The following AUTS2 variants were observed in gnomAD, a reference collection of about 807,000 sequenced individuals.
AUTS2 encodes autism susceptibility gene 2 protein.
AUTS2 carries 17 observed loss-of-function variants against 112.4 expected under a neutral mutation model. The ratio of observed to expected loss-of-function variants is 0.15; its 90% confidence interval spans 0.10 to 0.23. The LOEUF (loss-of-function observed/expected upper bound fraction) is 0.23, where lower values mean the gene tolerates loss of function less well. Among genes scored for constraint, AUTS2 ranks in the 10% least tolerant of loss-of-function variants. The probability of loss-of-function intolerance (pLI) is 1.00; values close to 1 mark genes in which losing one functional copy is unlikely to be tolerated. For missense variants in AUTS2, 1,510 were observed against 1,701.6 expected (o/e 0.89, Z 1.98); for synonymous variants, 751 against 702.7 (o/e 1.07, Z -1.09).
At chr7:69,982,526 G>A (rs1218392776) in intron 2 of AUTS2, among the ~76,000 whole-genome samples, 1 of 152,190 alleles carries the variant, frequency 6.6e-6, no homozygotes, top group Non-Finnish European at 1.5e-5. Flanking sequence ...TTATGTATGT[G>A]TGAGTCTTAG....
intron 6 of AUTS2, among the ~76,000 whole-genome samples, chr7:70,743,468 C>CAAA (rs35444664): frequency 9.1e-4 from 65 of 71,192 alleles, no homozygotes; most frequent in East Asian, 2.5e-3. Flanking sequence ...GACTCTGTCT[C>CAAA]AAAAAAAAAA....
rs1794535735 is a variant in AUTS2, at chr7:70,406,407, A to G, written c.661-29345A>G. 2.6e-5 allele frequency among the ~76,000 whole-genome samples: 4 copies of G among 152,320 alleles called. No individual in the cohort carries two copies. The South Asian group carries it at 8.3e-4, about 32-fold the overall frequency. On this transcript the variant is annotated intron_variant, in intron 4 of 18. Coordinates refer to ENST00000342771, the MANE Select transcript of AUTS2 (RefSeq NM_015570.4). The stretch of plus-strand genomic sequence containing the variant: ...ACAGCCCTGTCCCACCCGCCTGCAC[A>G]CACAAGCCCTCTTCCCCATCTTGCA...
intron 1 of AUTS2, among the ~76,000 whole-genome samples, chr7:69,855,279 C>T (rs1792669674): frequency 6.6e-6 from 1 of 152,196 alleles, no homozygotes; most frequent in Non-Finnish European, 1.5e-5. Context: ...CTAAACCAAT[C>T]TTATTGTTGT....
chr7:69,990,195 G>GT (rs1192518580), intron 2 of AUTS2, among the ~76,000 whole-genome samples: 2 of 152,112 alleles, frequency 1.3e-5, no homozygotes, highest in African/African-American at 2.4e-5. Context: ...ATTTCATTGG[G>GT]TTTTTTGGGT....
intron 5 of AUTS2, among the ~76,000 whole-genome samples, chr7:70,642,128 T>G (rs1805866936): frequency 6.6e-6 from 1 of 152,244 alleles, no homozygotes; most frequent in South Asian, 2.1e-4. Flanking sequence ...GCTTTTGCCA[T>G]CTTGATAGTA....
intron 5 of AUTS2, among the ~76,000 whole-genome samples, chr7:70,506,928 G>T (rs1798987637): frequency 6.6e-6 from 1 of 152,208 alleles, no homozygotes; most frequent in African/African-American, 2.4e-5. Flanking sequence ...GTCCAGAACA[G>T]TGCTGTGAGA....
intron 5 of AUTS2, among the ~76,000 whole-genome samples, chr7:70,638,034 C>T (rs1168648526): frequency 6.6e-6 from 1 of 152,030 alleles, no homozygotes; most frequent in Admixed American, 6.5e-5. Flanking sequence ...CTTTGAGAGT[C>T]TATAGAGTTG....
chr7:69,713,888 A>G (rs1044629025), intron 1 of AUTS2, among the ~76,000 whole-genome samples: 1 of 152,096 alleles, frequency 6.6e-6, no homozygotes, highest in Admixed American at 6.6e-5. Flanking sequence ...TAGAGGTTTT[A>G]AATTTTGATG....
At chr7:69,605,740 A>G (rs1260077355) in intron 1 of AUTS2, among the ~76,000 whole-genome samples, 5 of 152,166 alleles carry the variant, frequency 3.3e-5, no homozygotes, top group African/African-American at 1.2e-4. Context: ...TGCATTTTTC[A>G]CTTTCTTTTT....
At chr7:70,711,004 G>A (rs529567842) in intron 6 of AUTS2, among the ~76,000 whole-genome samples, 1 of 152,344 alleles carries the variant, frequency 6.6e-6, no homozygotes, top group African/African-American at 2.4e-5. Context: ...TAAAGAGGCA[G>A]CTTGAGAATA....
chr7:69,896,903 C>T (rs1036770177), intron 1 of AUTS2, among the ~76,000 whole-genome samples: 2 of 152,216 alleles, frequency 1.3e-5, no homozygotes, highest in African/African-American at 2.4e-5. Flanking sequence ...ACCCTCTCCT[C>T]TGGACTATAT....
At chr7:70,470,299 G>C (rs1390292770) in intron 5 of AUTS2, among the ~76,000 whole-genome samples, 2 of 152,178 alleles carry the variant, frequency 1.3e-5, no homozygotes, top group Non-Finnish European at 2.9e-5. Context: ...AGAGAAAGGA[G>C]CATCAGTGAA....
chr7:70,081,081 G>T (rs1401470849), intron 2 of AUTS2, among the ~76,000 whole-genome samples: 1 of 152,148 alleles, frequency 6.6e-6, no homozygotes, highest in African/African-American at 2.4e-5. Context: ...TTCTCTCAGA[G>T]CTTAATCCAT....
chr7:70,329,414 G>T (rs1437082963), intron 4 of AUTS2, among the ~76,000 whole-genome samples: 1 of 152,064 alleles, frequency 6.6e-6, no homozygotes, highest in African/African-American at 2.4e-5. Flanking sequence ...GAGGGTTCCA[G>T]TGACTCCACA....
intron 5 of AUTS2, among the ~76,000 whole-genome samples, chr7:70,579,398 G>A (rs993422760): frequency 6.6e-6 from 1 of 151,850 alleles, no homozygotes; most frequent in Non-Finnish European, 1.5e-5. Flanking sequence ...GAACAGTTTG[G>A]CTCTTAAGGA....
intron 4 of AUTS2, among the ~76,000 whole-genome samples, chr7:70,289,019 T>C (rs1788590570): frequency 6.6e-6 from 1 of 152,172 alleles, no homozygotes. Context: ...AGGATCAGAA[T>C]ATTGGGTGTG....
In AUTS2 at chr7:70,610,423, C is replaced by CTT. The variant is rs3054735; in HGVS notation, c.691-88118_691-88117dup. Among the ~76,000 whole-genome samples, 59 of 77,434 alleles carry CTT rather than the reference C, an allele frequency of 7.6e-4. 4 individuals carry two copies. The highest frequency in any genetic ancestry group is 2.7e-3 in the African/African-American group (53 of 19,912). The allele number at this position is 77,434 out of a possible 152,430, so 50.8% of individuals were successfully genotyped here. On this transcript the variant is annotated intron_variant, in intron 5 of 18. Transcript: ENST00000342771. Reference sequence around the variant, plus strand: ...ATTCTCACCAAAACTTAGCGCTCATCTTTTTTTTTTTTTTTTTTTTTTTTT... The same window carrying CTT: ...ATTCTCACCAAAACTTAGCGCTCATCTTTTTTTTTTTTTTTTTTTTTTTTTTT...
intron 5 of AUTS2, among the ~76,000 whole-genome samples, chr7:70,552,853 C>T (rs978390981): frequency 6.6e-6 from 1 of 152,170 alleles, no homozygotes; most frequent in Admixed American, 6.5e-5. Context: ...CCATGGTACT[C>T]ATAATGGAAA....
chr7:70,050,797 C>A (rs1046604431), intron 2 of AUTS2, among the ~76,000 whole-genome samples: 5 of 152,132 alleles, frequency 3.3e-5, no homozygotes, highest in African/African-American at 7.2e-5. Flanking sequence ...GAGTTTGAGA[C>A]CAGCCTGGCC....
Sources: gnomAD v4.1 joint callset for allele counts (sites outside exome capture counted in the v4.1 genomes callset) on GRCh38, gnomAD v4.1.1 for gene constraint, MANE v1.5 for transcripts, NCBI Gene and HGNC (gene_info 2026-07-23, HGNC 2026-07-21) for gene names.